The following EDNRA variants were observed in gnomAD, a reference collection of about 807,000 sequenced individuals.
EDNRA encodes the protein endothelin receptor type A, also known as endothelin-1 receptor.
A neutral mutation model predicts 41.4 loss-of-function variants in EDNRA; 11 were observed. The observed-to-expected ratio is 0.27, with a 90% CI of 0.17 to 0.44. EDNRA has a LOEUF of 0.44. EDNRA is among the 20% of genes least tolerant of loss of function. EDNRA has a pLI of 1.00. For missense variants in EDNRA, 294 were observed against 531.0 expected (o/e 0.55, Z 4.39); for synonymous variants, 172 against 183.0 (o/e 0.94, Z 0.49).
At chr4:147,488,110 A>G (rs1054965414) in intron 2 of EDNRA, 2 of 152,234 alleles carry the variant, frequency 1.3e-5, no homozygotes, top group Non-Finnish European at 2.9e-5. Context: ...ATGGCTCAAG[A>G]AAATAATTAT....
chr4:147,543,434 T>A lies in EDNRA; in HGVS notation c.*816T>A, dbSNP rs1578822829. ...GTATGTTAAATTCAAAAGTAATGCT[T>A]CAATCAGATAGTTCTTTTTCACAAG... On this transcript the variant is annotated 3_prime_UTR_variant, in exon 8 of 8. Coordinates refer to ENST00000651419, the MANE Select transcript of EDNRA (RefSeq NM_001957.4). 1 of 152,306 alleles carries A rather than the reference T, an allele frequency of 6.6e-6. No individual in the cohort carries two copies. Among genetic ancestry groups the A allele is most frequent in the East Asian group, 1.9e-4 (1 of 5,190 alleles). 9.4% of individuals were successfully genotyped at this position (152,306 alleles called of 1,614,324 possible). A position where few individuals can be genotyped will look rare whatever the true frequency, so the allele number is the denominator to read the frequency against.
At chr4:147,523,461 GTTTTT>G (rs796601293) in intron 3 of EDNRA, among the ~76,000 whole-genome samples, 1 of 131,022 alleles carries the variant, frequency 7.6e-6, no homozygotes, top group African/African-American at 3.5e-5. Context: ...TTGGGTGTTT[GTTTTT>G]TTTTGTTGTT....
intron 2 of EDNRA, among the ~76,000 whole-genome samples, chr4:147,514,111 G>A (rs1453793993): frequency 2.0e-5 from 3 of 152,294 alleles, no homozygotes; most frequent in East Asian, 3.9e-4. Flanking sequence ...TCTTTCATAT[G>A]CATTAACCCA....
chr4:147,505,984 A>C, intron 2 of EDNRA: 1 of 359,476 alleles, frequency 2.8e-6, no homozygotes, highest in South Asian at 2.2e-5. Flanking sequence ...CAATTACCAT[A>C]AGACCCAGCA....
At position 147,544,296 on chromosome 4, in the gene EDNRA, T is replaced by C. The variant is rs201212743; in HGVS notation, c.*1678T>C. On this transcript the variant is annotated 3_prime_UTR_variant, in exon 8 of 8. Transcript: ENST00000651419. ...AGGCAGCGTGAAAGCAGATGAGCTG[T>C]GGACTAGCAATATAGGGTTTTGTTT... 4 of 153,304 alleles carry C rather than the reference T, an allele frequency of 2.6e-5. No individual in the cohort carries two copies. Among genetic ancestry groups the C allele is most frequent in the Non-Finnish European group, 4.4e-5 (3 of 68,046 alleles). The allele number at this position is 153,304 out of a possible 1,614,324, so 9.5% of individuals were successfully genotyped here. A position where few individuals can be genotyped will look rare whatever the true frequency, so the allele number is the denominator to read the frequency against.
At chr4:147,540,975 G>A (rs780457600) in intron 7 of EDNRA, among the ~76,000 whole-genome samples, 18 of 149,964 alleles carry the variant, frequency 1.2e-4, no homozygotes, top group Middle Eastern at 3.6e-3. Flanking sequence ...CCAGCTACTC[G>A]GAGAATGGCG....
chr4:147,498,883 G>A (rs1021015735), intron 2 of EDNRA, among the ~76,000 whole-genome samples: 2 of 152,152 alleles, frequency 1.3e-5, no homozygotes, highest in African/African-American at 4.8e-5. Flanking sequence ...GGGATTACAG[G>A]CATGAGCCAC....
chr4:147,513,747 G>T (rs556517523), intron 2 of EDNRA, among the ~76,000 whole-genome samples: 2 of 152,296 alleles, frequency 1.3e-5, no homozygotes, highest in African/African-American at 4.8e-5. Context: ...TTTGAGGTTT[G>T]CAGCTATTAC....
At chr4:147,503,502 T>C (rs534847818) in intron 2 of EDNRA, among the ~76,000 whole-genome samples, 14 of 152,322 alleles carry the variant, frequency 9.2e-5, no homozygotes, top group African/African-American at 2.6e-4. Context: ...TGAACCATAC[T>C]GATGCCTGCC....
At chr4:147,540,551 C>A in intron 7 of EDNRA, 66 bp downstream of exon 7, 2 of 1,048,992 alleles carry the variant, frequency 1.9e-6, no homozygotes, top group Non-Finnish European at 2.8e-6. Context: ...TCAACAGACA[C>A]AGCCAATTCC....
rs10305868 is a variant in EDNRA at position 147,485,984 on chromosome 4, G to T, written c.303G>T (p.Leu101=). Residue 101 remains leucine, a synonymous_variant, in exon 2 of 8, where the codon CTG becomes CTT. Coordinates refer to ENST00000651419, the MANE Select transcript of EDNRA (RefSeq NM_001957.4). ...TGGGAATGGTGGGGAATGCAACTCT[G>T]CTCAGGATCATTTACCAGAACAAAT... is the stretch of plus-strand genomic sequence containing the variant. ...FIVGMVGNAT[L]LRIIYQNKCM... The T allele has an allele frequency of 1.2e-5, 19 of 1,614,116 alleles. No individual in the cohort carries two copies. In the Admixed American group the frequency reaches 1.5e-4, roughly 13 times the overall value.
At chr4:147,532,281 G>T (rs1452318951) in intron 3 of EDNRA, among the ~76,000 whole-genome samples, 2 of 143,792 alleles carry the variant, frequency 1.4e-5, no homozygotes, top group African/African-American at 5.3e-5. Context: ...AGCCGAGATG[G>T]TGCCACTGCA....
At chr4:147,510,465 A>G (rs2126430894) in intron 2 of EDNRA, among the ~76,000 whole-genome samples, 1 of 152,340 alleles carries the variant, frequency 6.6e-6, no homozygotes, top group Admixed American at 6.5e-5. Context: ...AATGACCATA[A>G]GACATAAAGT....
In EDNRA at chr4:147,486,991, A is replaced by T. The variant is rs1728970619; in HGVS notation, c.420+890A>T. 6.6e-6 allele frequency among the ~76,000 whole-genome samples: 1 copy of T among 152,100 alleles called. No individual in the cohort carries two copies. Among genetic ancestry groups the T allele is most frequent in the African/African-American group, 2.4e-5 (1 of 41,420 alleles). On this transcript the variant is annotated intron_variant, in intron 2 of 7. Transcript: ENST00000651419. The surrounding 1 kb of genome is among the most constrained non-coding windows in gnomAD (Gnocchi z 4.3). ...TAGGCTGTACATGCATGGCTCCAGC[A>T]TCTGCTTCTGGTGAGGGCCTCAGGA...
intron 4 of EDNRA, among the ~76,000 whole-genome samples, chr4:147,533,867 T>G (rs1006604721): frequency 1.3e-5 from 2 of 152,196 alleles, no homozygotes; most frequent in Non-Finnish European, 2.9e-5. Flanking sequence ...CGTGTTCAAG[T>G]AAAGGGTAGC....
chr4:147,535,838 T>C (rs773428606), intron 4 of EDNRA, 39 bp from the exon 5 acceptor site: 3 of 1,598,858 alleles, frequency 1.9e-6, no homozygotes, highest in South Asian at 1.1e-5. Flanking sequence ...GACATGACTC[T>C]GCTCCTCCTT....
chr4:147,534,819 A>C (rs1248686706), intron 4 of EDNRA, among the ~76,000 whole-genome samples: 1 of 152,216 alleles, frequency 6.6e-6, no homozygotes, highest in East Asian at 1.9e-4. Flanking sequence ...TATTATTCTC[A>C]GAAGGGATTA....
intron 2 of EDNRA, chr4:147,491,793 T>A (rs1208406663): frequency 4.6e-5 from 7 of 152,220 alleles, no homozygotes; most frequent in Non-Finnish European, 1.0e-4. Flanking sequence ...CATCATAAAA[T>A]TAGCTATAGA....
intron 7 of EDNRA, 24 bp from the exon 8 acceptor site, chr4:147,542,454 C>T (rs753476628): frequency 1.2e-6 from 2 of 1,613,818 alleles, no homozygotes; most frequent in Non-Finnish European, 8.5e-7. Context: ...GCTCGCCTTA[C>T]TTCGAGTCTG....
Sources: gnomAD v4.1 joint callset for allele counts (sites outside exome capture counted in the v4.1 genomes callset) on GRCh38, gnomAD v4.1.1 for gene constraint, Gnocchi (gnomAD v3.1) non-coding constraint, MANE v1.5 for transcripts, NCBI Gene and HGNC (gene_info 2026-07-23, HGNC 2026-07-21) for gene names.